The following GABRA5 variants were observed in gnomAD, a reference collection of about 807,000 sequenced individuals.
GABRA5 encodes gamma-aminobutyric acid type A receptor subunit alpha5.
A neutral mutation model predicts 47.3 loss-of-function variants in GABRA5; 18 were observed. The observed-to-expected ratio is 0.38, with a 90% CI of 0.26 to 0.56. The LOEUF is 0.56. GABRA5 is among the 20% of genes least tolerant of loss of function. The pLI is 0.71. For missense variants in GABRA5, 365 were observed against 599.3 expected (o/e 0.61, Z 4.08); for synonymous variants, 237 against 229.3 (o/e 1.03, Z -0.30).
At chr15:26,896,491 T>C (rs1893196679) in intron 6 of GABRA5, among the ~76,000 whole-genome samples, 1 of 152,212 alleles carries the variant, frequency 6.6e-6, no homozygotes, top group South Asian at 2.1e-4. Context: ...CCAAATTTGT[T>C]TTTATTTTTC....
At chr15:26,904,122 C>A (rs980252516) in intron 6 of GABRA5, among the ~76,000 whole-genome samples, 3 of 151,932 alleles carry the variant, frequency 2.0e-5, no homozygotes, top group Admixed American at 6.6e-5. Context: ...GTATTTAATC[C>A]ATCTTTAATA....
At chr15:26,875,457 G>T (rs1595392579) in intron 3 of GABRA5, among the ~76,000 whole-genome samples, 1 of 152,318 alleles carries the variant, frequency 6.6e-6, no homozygotes, top group South Asian at 2.1e-4. Context: ...GGTGTGCATG[G>T]AATAAGTGTC....
chr15:26,883,581 G>A lies in GABRA5; in HGVS notation c.497+24G>A. 2.7e-6 allele frequency: 4 copies of A among 1,462,882 alleles called. No individual in the cohort carries two copies. Among genetic ancestry groups the A allele is most frequent in the Non-Finnish European group, 3.7e-6 (4 of 1,072,530 alleles). 90.6% of individuals were successfully genotyped at this position (1,462,882 alleles called of 1,614,324 possible). A position where few individuals can be genotyped will look rare whatever the true frequency, so the allele number is the denominator to read the frequency against. Reference sequence around the variant, plus strand: ...CGGTGAGCGCCGGGCGGGGGCGGGCGGGGCCGGGGGACGGTGCGGGGCAGG... The same window carrying A: ...CGGTGAGCGCCGGGCGGGGGCGGGCAGGGCCGGGGGACGGTGCGGGGCAGG... On this transcript the variant is annotated intron_variant, in intron 6 of 10. Transcript: ENST00000335625. The surrounding 1 kb of genome is among the most constrained non-coding windows in gnomAD (Gnocchi z 4.8).
At chr15:26,921,869 T>C (rs913764465) in intron 7 of GABRA5, among the ~76,000 whole-genome samples, 4 of 152,176 alleles carry the variant, frequency 2.6e-5, no homozygotes, top group Admixed American at 6.5e-5. Context: ...TTTAGATATA[T>C]GTTATTTAGT....
intron 6 of GABRA5, among the ~76,000 whole-genome samples, chr15:26,890,565 C>T (rs1051440703): frequency 2.0e-5 from 3 of 151,822 alleles, no homozygotes; most frequent in Non-Finnish European, 2.9e-5. Context: ...TGTCTGGTCC[C>T]GCCGATCTCC....
At position 26,883,833 on chromosome 15, in the gene GABRA5, C is replaced by T. The variant is rs1481737102; in HGVS notation, c.497+276C>T. ...TTTGGAACCATGGCCCATATAATGT[C>T]GGATAGGGAAAAATTATTATATTAA... is the stretch of plus-strand genomic sequence containing the variant. On this transcript the variant is annotated intron_variant, in intron 6 of 10. Transcript: ENST00000335625. The surrounding 1 kb of genome is among the most constrained non-coding windows in gnomAD (Gnocchi z 4.8). Among the ~76,000 whole-genome samples, 2 of 152,128 alleles carry T rather than the reference C, an allele frequency of 1.3e-5. No individual in the cohort carries two copies. The highest frequency in any genetic ancestry group is 2.9e-5 in the Non-Finnish European group (2 of 68,018).
intron 3 of GABRA5, chr15:26,877,778 G>T: frequency 2.5e-6 from 1 of 405,194 alleles, no homozygotes; most frequent in Non-Finnish European, 4.9e-6. Context: ...TTCAATATAA[G>T]GAAATAATTC....
chr15:26,937,220 A>G lies in GABRA5; in HGVS notation c.616A>G (p.Thr206Ala). 6.2e-7 allele frequency: 1 copy of G among 1,613,936 alleles called. No individual in the cohort carries two copies. Among genetic ancestry groups the G allele is most frequent in the Non-Finnish European group, 8.5e-7 (1 of 1,179,856 alleles). Residue 206 changes from threonine to alanine, a missense_variant, in exon 8 of 11, where the codon ACC (threonine) becomes GCC (alanine). By Grantham distance (58) the Thr-to-Ala change is moderately conservative. This residue lies in a region of GABRA5 where 216 missense variants were observed against 335.3 expected (regional missense o/e 0.64). Coordinates refer to ENST00000335625, the MANE Select transcript of GABRA5 (RefSeq NM_000810.4). The part of the protein sequence containing the change: ...YPNSEVVYVW[T>A]NGSTKSVVVA... ...TAATTCTGAAGTCGTTTACGTCTGG[A>G]CCAACGGCTCCACCAAGTCGGTGGT...
rs1353397962 is a variant in GABRA5 at position 26,883,854 on chromosome 15, ATTAAAC to A, written c.497+304_497+309del. On this transcript the variant is annotated intron_variant, in intron 6 of 10. Transcript: ENST00000335625. This position sits in a 1 kb window ranked among gnomAD's most constrained non-coding sequence, Gnocchi z 4.8. ...ATGTCGGATAGGGAAAAATTATTAT[ATTAAAC>A]TTAAACATCTAAGGAGGACCGGGCG... is the stretch of plus-strand genomic sequence containing the variant. 6.6e-6 allele frequency among the ~76,000 whole-genome samples: 1 copy of A among 152,116 alleles called. No individual in the cohort carries two copies. The highest frequency in any genetic ancestry group is 2.4e-5 in the African/African-American group (1 of 41,436).
At chr15:26,947,865 T>C in intron 10 of GABRA5, 69 bp from the exon 11 acceptor site, 1 of 1,382,190 alleles carries the variant, frequency 7.2e-7, no homozygotes, top group South Asian at 1.4e-5. Flanking sequence ...GGTATACCTT[T>C]AGAACTCCAA....
intron 7 of GABRA5, among the ~76,000 whole-genome samples, chr15:26,919,799 A>T (rs1222417698): frequency 6.6e-6 from 1 of 152,124 alleles, no homozygotes; most frequent in Non-Finnish European, 1.5e-5. Context: ...ATTTCTTGCA[A>T]GTCAGGTCTA....
chr15:26,880,295 A>G (rs2140251948), intron 3 of GABRA5, among the ~76,000 whole-genome samples: 1 of 151,976 alleles, frequency 6.6e-6, no homozygotes, highest in Non-Finnish European at 1.5e-5. Context: ...GATGACACAG[A>G]CTCCATCATG....
chr15:26,925,472 T>C (rs1357480308), intron 7 of GABRA5, among the ~76,000 whole-genome samples: 1 of 152,230 alleles, frequency 6.6e-6, no homozygotes, highest in Non-Finnish European at 1.5e-5. Context: ...AGCATTTGTA[T>C]TGGATTCTTT....
At chr15:26,933,138 T>C (rs953357176) in intron 7 of GABRA5, among the ~76,000 whole-genome samples, 2 of 150,560 alleles carry the variant, frequency 1.3e-5, no homozygotes, top group African/African-American at 4.9e-5. Context: ...GTGAGTGATG[T>C]TTGTTGAGCA....
intron 3 of GABRA5, among the ~76,000 whole-genome samples, chr15:26,877,023 G>A (rs1264317526): frequency 1.3e-5 from 2 of 152,208 alleles, no homozygotes; most frequent in Non-Finnish European, 2.9e-5. Context: ...GCAGTGCCAA[G>A]GGCAAGAATG....
chr15:26,937,772 C>G (rs1437309910), intron 8 of GABRA5, among the ~76,000 whole-genome samples: 2 of 152,254 alleles, frequency 1.3e-5, no homozygotes, highest in Non-Finnish European at 2.9e-5. Context: ...CTCTCAATGC[C>G]AAGTGCCCTG....
chr15:26,930,462 G>A (rs1262022307), intron 7 of GABRA5, among the ~76,000 whole-genome samples: 3 of 152,032 alleles, frequency 2.0e-5, no homozygotes, highest in Admixed American at 1.3e-4. Flanking sequence ...CACCTTCCAC[G>A]AAAACTATGA....
chr15:26,893,424 A>ATGGTATGTGTATGTAGTGTG (rs1893088259), intron 6 of GABRA5, among the ~76,000 whole-genome samples: 2 of 149,908 alleles, frequency 1.3e-5, no homozygotes, highest in Non-Finnish European at 3.0e-5. Flanking sequence ...TTGTGTGTGT[A>ATGGTATGTGTATGTAGTGTG]TGGTGTGTGG....
At chr15:26,878,459 G>T (rs953977192) in intron 3 of GABRA5, among the ~76,000 whole-genome samples, 4 of 152,082 alleles carry the variant, frequency 2.6e-5, no homozygotes, top group Admixed American at 1.3e-4. Context: ...GCATTTTTGA[G>T]GATGGCCTAT....
Sources: gnomAD v4.1 joint callset for allele counts (sites outside exome capture counted in the v4.1 genomes callset) on GRCh38, gnomAD v4.1.1 for gene constraint, gnomAD v4.1.1 regional missense constraint, Gnocchi (gnomAD v3.1) non-coding constraint, MANE v1.5 for transcripts, NCBI Gene and HGNC (gene_info 2026-07-23, HGNC 2026-07-21) for gene names.